Variants in WDR37 observed in about 807,000 individuals in gnomAD.
WDR37 encodes the protein WD repeat domain 37.
WDR37 carries 19 observed loss-of-function variants against 62.9 expected under a neutral mutation model. That is an observed-to-expected ratio of 0.30 (90% CI 0.21 to 0.44). The LOEUF (loss-of-function observed/expected upper bound fraction) is 0.44. Among genes scored for constraint, WDR37 ranks in the 20% least tolerant of loss-of-function variants. The probability of loss-of-function intolerance (pLI) is 1.00; values close to 1 mark genes in which losing one functional copy is unlikely to be tolerated. For missense variants in WDR37, 474 were observed against 657.6 expected (o/e 0.72, Z 3.05); for synonymous variants, 250 against 260.9 (o/e 0.96, Z 0.40).
chr10:1,080,522 G>C (rs748591978), intron 5 of WDR37, 46 bp downstream of exon 5: 3 of 1,585,966 alleles, frequency 1.9e-6, no homozygotes, highest in African/African-American at 2.7e-5. Flanking sequence ...TGGTTAAGGT[G>C]TGCAGATGTG....
At chr10:1,064,880 C>G (rs1308930166) in intron 1 of WDR37, among the ~76,000 whole-genome samples, 1 of 152,110 alleles carries the variant, frequency 6.6e-6, no homozygotes, top group Non-Finnish European at 1.5e-5. Context: ...CAGTCATGAG[C>G]CACTGTGCCT....
chr10:1,077,147 A>G (rs1333340196), intron 2 of WDR37, among the ~76,000 whole-genome samples: 1 of 152,174 alleles, frequency 6.6e-6, no homozygotes, highest in Admixed American at 6.5e-5. Flanking sequence ...GGAGTGGCAC[A>G]TGGCTGTATC....
chr10:1,062,886 G>A (rs1243053642), intron 1 of WDR37, among the ~76,000 whole-genome samples: 1 of 152,148 alleles, frequency 6.6e-6, no homozygotes, highest in Non-Finnish European at 1.5e-5. Context: ...ACAAGTTAGA[G>A]ACCACTCTGG....
At chr10:1,064,379 C>T (rs569201052) in intron 1 of WDR37, among the ~76,000 whole-genome samples, 4 of 152,050 alleles carry the variant, frequency 2.6e-5, no homozygotes, top group Admixed American at 6.6e-5. Context: ...GGGGGGAAAA[C>T]GTGTCTGAAG....
In WDR37 at chr10:1,059,701, G is replaced by A. The variant is rs1190840390; in HGVS notation, c.-41+2733G>A. 2.0e-5 allele frequency among the ~76,000 whole-genome samples: 3 copies of A among 151,974 alleles called. 1 individual carries two copies. On this transcript the variant is annotated intron_variant, in intron 1 of 13. Coordinates refer to ENST00000263150, the MANE Select transcript of WDR37 (RefSeq NM_014023.4). ...TAACCCCAACTACTCAGGAGGCTGA[G>A]GCAGAGAATTGGTTGAACCCGGGAG...
rs11250255 is a variant in WDR37 at position 1,086,275 on chromosome 10, C to T, written c.533-11C>T. The T allele has an allele frequency of 0.054, 86,971 of 1,612,604 alleles. 2,597 individuals carry two copies. The highest frequency in any genetic ancestry group is 0.064 in the Middle Eastern group (389 of 6,056). ...TAGCTAAGTTCCGACTTCTTCATTTCCATCTTGCAGATCACACGGCTTTGC... is the reference window on the plus strand; with the variant it reads ...TAGCTAAGTTCCGACTTCTTCATTTTCATCTTGCAGATCACACGGCTTTGC... On this transcript the variant is annotated splice_polypyrimidine_tract_variant and intron_variant, in intron 6 of 13. Transcript: ENST00000263150.
At chr10:1,104,654 G>A (rs753013683) in intron 10 of WDR37, among the ~76,000 whole-genome samples, 1 of 152,196 alleles carries the variant, frequency 6.6e-6, no homozygotes, top group Admixed American at 6.5e-5. Flanking sequence ...CTGAAGGGAA[G>A]GGTGTTAGGC....
chr10:1,071,150 G>A lies in WDR37; in HGVS notation c.-40-966G>A, dbSNP rs74120406. On this transcript the variant is annotated intron_variant, in intron 1 of 13. Coordinates refer to ENST00000263150, the MANE Select transcript of WDR37 (RefSeq NM_014023.4). ...TGATATATTCACAGAACCATCCCCT[G>A]CTCTTGGGACTTGGGCCAGTCTTTT... 8.8e-3 allele frequency among the ~76,000 whole-genome samples: 1,345 copies of A among 152,300 alleles called. 13 individuals are homozygous for A. The highest frequency in any genetic ancestry group is 0.021 in the African/African-American group (868 of 41,556).
intron 11 of WDR37, among the ~76,000 whole-genome samples, chr10:1,111,789 A>G (rs1835225055): frequency 1.3e-5 from 2 of 152,274 alleles, no homozygotes; most frequent in South Asian, 2.1e-4. Context: ...GATACTTCAT[A>G]TAGCAGAAAT....
chr10:1,103,922 C>G lies in WDR37; in HGVS notation c.961+86C>G. 7.4e-7 allele frequency: 1 copy of G among 1,354,660 alleles called. No individual in the cohort carries two copies. 83.9% of individuals were successfully genotyped at this position (1,354,660 alleles called of 1,614,324 possible). A position where few individuals can be genotyped will look rare whatever the true frequency, so the allele number is the denominator to read the frequency against. ...TTATGTCTGACCTTGCCACTTACTT[C>G]TTGACCAGAATGAGTCTCTGTGTTC... On this transcript the variant is annotated intron_variant, in intron 10 of 13. Transcript: ENST00000263150. The surrounding 1 kb of genome is among the most constrained non-coding windows in gnomAD (Gnocchi z 6.3).
chr10:1,065,893 CTT>C (rs35577994), intron 1 of WDR37, among the ~76,000 whole-genome samples: 2 of 145,436 alleles, frequency 1.4e-5, no homozygotes, highest in Admixed American at 6.9e-5. Flanking sequence ...TAAAACTGTC[CTT>C]TTTTTTTTTA....
chr10:1,105,199 G>A lies in WDR37; in HGVS notation c.1035G>A (p.Thr345=), dbSNP rs757627882. 10 of 1,614,036 alleles carry A rather than the reference G, an allele frequency of 6.2e-6. No individual in the cohort carries two copies. The highest frequency in any genetic ancestry group is 3.3e-5 in the Admixed American group (2 of 60,014). ...QRLVVTSSRD[T]TFRLWDFRDP... ...TCGTGGTGACCTCCTCCCGTGACAC[G>A]ACTTTCCGCCTCTGGGATTTCAGGG... Residue 345 remains threonine, a synonymous_variant, in exon 11 of 14, where the codon ACG becomes ACA. Coordinates refer to ENST00000263150, the MANE Select transcript of WDR37 (RefSeq NM_014023.4). This position sits in a 1 kb window ranked among gnomAD's most constrained non-coding sequence, Gnocchi z 5.3.
rs58997052 is a variant in WDR37 at position 1,060,951 on chromosome 10, G to A, written c.-41+3983G>A. ...GGCCATCTAGCCTAGGTGTGGAGTAGGCTGTGCACCTAGCTTTGTGTAAGT... is the reference window on the plus strand; with the variant it reads ...GGCCATCTAGCCTAGGTGTGGAGTAAGCTGTGCACCTAGCTTTGTGTAAGT... On this transcript the variant is annotated intron_variant, in intron 1 of 13. Transcript: ENST00000263150. 3.3e-5 allele frequency among the ~76,000 whole-genome samples: 5 copies of A among 152,322 alleles called. No homozygotes were observed. In the East Asian group the frequency reaches 9.6e-4, roughly 29 times the overall value.
intron 1 of WDR37, among the ~76,000 whole-genome samples, chr10:1,062,958 C>T (rs1833418289): frequency 6.6e-6 from 1 of 152,006 alleles, no homozygotes; most frequent in Admixed American, 6.6e-5. Context: ...TGCTGTTGGG[C>T]ACCTGTAGTC....
At chr10:1,093,152 T>A (rs905274241) in intron 7 of WDR37, among the ~76,000 whole-genome samples, 3 of 152,210 alleles carry the variant, frequency 2.0e-5, no homozygotes, top group Non-Finnish European at 4.4e-5. Context: ...GTTTTCTTTT[T>A]TTTAATCCTG....
chr10:1,086,246 A>C, intron 6 of WDR37, 40 bp from the exon 7 acceptor site: 1 of 1,554,126 alleles, frequency 6.4e-7, no homozygotes, highest in Non-Finnish European at 8.9e-7. Context: ...CTATAAACTG[A>C]TGATAGCTAA....
In WDR37 at chr10:1,131,601, C is replaced by G. The variant is rs575830939; in HGVS notation, c.*2257C>G. On this transcript the variant is annotated 3_prime_UTR_variant, in exon 14 of 14. Transcript: ENST00000263150. ...TCAGGAGCCGGGGCACCTTGCTGTT[C>G]GCTGCTGTGTCGTCTTCTAATGTGA... 4 of 152,202 alleles carry G rather than the reference C, an allele frequency of 2.6e-5. No homozygotes were observed. Among genetic ancestry groups the G allele is most frequent in the Admixed American group, 2.6e-4 (4 of 15,276 alleles). 9.4% of individuals were successfully genotyped at this position (152,202 alleles called of 1,614,324 possible).
intron 6 of WDR37, among the ~76,000 whole-genome samples, chr10:1,085,167 G>A (rs1834161675): frequency 6.6e-6 from 1 of 152,094 alleles, no homozygotes; most frequent in Non-Finnish European, 1.5e-5. Flanking sequence ...TAGAGGCGGG[G>A]TTTCACCGTT....
intron 3 of WDR37, among the ~76,000 whole-genome samples, chr10:1,078,629 C>G (rs1409732588): frequency 6.6e-6 from 1 of 152,138 alleles, no homozygotes; most frequent in African/African-American, 2.4e-5. Context: ...ATAAACAGGT[C>G]CTTTGCGCTG....
Sources: gnomAD v4.1 joint callset for allele counts (sites outside exome capture counted in the v4.1 genomes callset) on GRCh38, gnomAD v4.1.1 for gene constraint, Gnocchi (gnomAD v3.1) non-coding constraint, MANE v1.5 for transcripts, NCBI Gene and HGNC (gene_info 2026-07-23, HGNC 2026-07-21) for gene names.